Variants in ST8SIA5 observed in about 807,000 individuals in gnomAD.
The protein encoded by ST8SIA5 is ST8 alpha-N-acetyl-neuraminide alpha-2,8-sialyltransferase 5.
A neutral mutation model predicts 40.2 loss-of-function variants in ST8SIA5; 24 were observed. The observed-to-expected ratio is 0.60, with a 90% CI of 0.43 to 0.84. The LOEUF is 0.84. Among genes scored for constraint, ST8SIA5 ranks in the 40% least tolerant of loss-of-function variants. The probability of loss-of-function intolerance (pLI) is 0.00; values close to 1 mark genes in which losing one functional copy is unlikely to be tolerated. For synonymous variants in ST8SIA5, 198 were observed against 201.8 expected (o/e 0.98, Z 0.16); for missense variants, 465 against 498.5 (o/e 0.93, Z 0.64).
chr18:46,711,796 G>A (rs1175359070), intron 1 of ST8SIA5, among the ~76,000 whole-genome samples: 3 of 152,200 alleles, frequency 2.0e-5, no homozygotes, highest in African/African-American at 7.2e-5. Flanking sequence ...GGAGAGCCCC[G>A]GCTCCAACCC....
At chr18:46,680,584 A>G in intron 6 of ST8SIA5, 74 bp from the exon 7 acceptor site, 1 of 1,434,144 alleles carries the variant, frequency 7.0e-7, no homozygotes, top group Non-Finnish European at 9.3e-7. Flanking sequence ...CCACCCTTGC[A>G]CCCTGGGGCT....
chr18:46,746,049 T>G (rs1290811442), intron 1 of ST8SIA5, among the ~76,000 whole-genome samples: 3 of 152,100 alleles, frequency 2.0e-5, no homozygotes, highest in Admixed American at 1.3e-4. Context: ...ATAAACTAGG[T>G]GTTGAAGGAA....
intron 2 of ST8SIA5, among the ~76,000 whole-genome samples, chr18:46,702,146 C>CAAA (rs5824635): frequency 8.3e-5 from 10 of 120,698 alleles, no homozygotes; most frequent in African/African-American, 9.3e-5. Flanking sequence ...GACTCCATCT[C>CAAA]AAAAAAAAAA....
At chr18:46,715,257 T>G (rs2039775681) in intron 1 of ST8SIA5, among the ~76,000 whole-genome samples, 1 of 151,976 alleles carries the variant, frequency 6.6e-6, no homozygotes, top group Non-Finnish European at 1.5e-5. Context: ...CACACAGGAG[T>G]GTGCTTCCTC....
rs905374888 is a variant in ST8SIA5 at position 46,671,737 on chromosome 18, T to C, written c.*8305A>G. ...TCTATGTTACTTTGCTTTAAAAATA[T>C]GTCATAATATTTATCTGAATGCTAA... is the stretch of plus-strand genomic sequence containing the variant. On this transcript the variant is annotated 3_prime_UTR_variant, in exon 7 of 7. Coordinates refer to ENST00000315087, the MANE Select transcript of ST8SIA5 (RefSeq NM_013305.6). 6.6e-6 allele frequency: 1 copy of C among 152,196 alleles called. No homozygotes were observed. Among genetic ancestry groups the C allele is most frequent in the African/African-American group, 2.4e-5 (1 of 41,444 alleles). The allele number at this position is 152,196 out of a possible 1,614,324, so 9.4% of individuals were successfully genotyped here.
intron 1 of ST8SIA5, among the ~76,000 whole-genome samples, chr18:46,732,799 C>G (rs996285593): frequency 1.3e-5 from 2 of 151,802 alleles, no homozygotes; most frequent in Non-Finnish European, 2.9e-5. Flanking sequence ...GTTGTGGGGG[C>G]GAAAGGCTTC....
chr18:46,703,051 G>A (rs2039633425), intron 2 of ST8SIA5, among the ~76,000 whole-genome samples: 1 of 152,260 alleles, frequency 6.6e-6, no homozygotes, highest in South Asian at 2.1e-4. Context: ...AGGAAGGAAG[G>A]AAAGAGAGAG....
intron 2 of ST8SIA5, among the ~76,000 whole-genome samples, chr18:46,701,843 T>C (rs1218325100): frequency 6.6e-6 from 1 of 152,170 alleles, no homozygotes; most frequent in Non-Finnish European, 1.5e-5. Flanking sequence ...AACTATACAT[T>C]TTATAATTTA....
At position 46,708,953 on chromosome 18, in the gene ST8SIA5, C is replaced by T. The variant is rs140521231; in HGVS notation, c.132-4289G>A. 2.7e-3 allele frequency among the ~76,000 whole-genome samples: 404 copies of T among 152,276 alleles called. 1 individual carries two copies. Among genetic ancestry groups the T allele is most frequent in the African/African-American group, 9.2e-3 (384 of 41,558 alleles). On this transcript the variant is annotated intron_variant, in intron 1 of 6. Coordinates refer to ENST00000315087, the MANE Select transcript of ST8SIA5 (RefSeq NM_013305.6). ...CCAGGTAGTACCTTAGCCAAGTCAT[C>T]AAAACTATTCCATGCCTGAGTCTAA... is the stretch of plus-strand genomic sequence containing the variant.
intron 1 of ST8SIA5, among the ~76,000 whole-genome samples, chr18:46,745,869 C>T (rs370564019): frequency 3.3e-5 from 5 of 152,238 alleles, no homozygotes; most frequent in Non-Finnish European, 7.4e-5. Context: ...TTATCCACCA[C>T]GATCAAGTGG....
At chr18:46,703,258 G>C (rs2039635970) in intron 2 of ST8SIA5, among the ~76,000 whole-genome samples, 1 of 152,264 alleles carries the variant, frequency 6.6e-6, no homozygotes, top group African/African-American at 2.4e-5. Flanking sequence ...CCATTCTCCT[G>C]CCTCAGCCTC....
chr18:46,741,493 A>G (rs942027478), intron 1 of ST8SIA5, among the ~76,000 whole-genome samples: 2 of 152,216 alleles, frequency 1.3e-5, no homozygotes, highest in Non-Finnish European at 2.9e-5. Context: ...TGCATAAGTC[A>G]TTACAGAGAA....
At position 46,678,521 on chromosome 18, in the gene ST8SIA5, G is replaced by A. The variant is rs1237764782; in HGVS notation, c.*1521C>T. On this transcript the variant is annotated 3_prime_UTR_variant, in exon 7 of 7. Transcript: ENST00000315087. ...CCCAGAGCACCCAGCACGTGGGACT[G>A]GGTCTATAATCTCTGGGCCCTGCAC... is the stretch of plus-strand genomic sequence containing the variant. The A allele has an allele frequency of 1.3e-5, 2 of 152,254 alleles. No individual in the cohort carries two copies. Among genetic ancestry groups the A allele is most frequent in the African/African-American group, 4.8e-5 (2 of 41,450 alleles). 9.4% of individuals were successfully genotyped at this position (152,254 alleles called of 1,614,324 possible).
At chr18:46,700,749 A>G (rs2039605034) in intron 2 of ST8SIA5, among the ~76,000 whole-genome samples, 1 of 152,216 alleles carries the variant, frequency 6.6e-6, no homozygotes, top group Non-Finnish European at 1.5e-5. Flanking sequence ...CCCTGGGGAC[A>G]GAGAGGGTGC....
chr18:46,714,968 T>C (rs1190446845), intron 1 of ST8SIA5, among the ~76,000 whole-genome samples: 1 of 152,100 alleles, frequency 6.6e-6, no homozygotes, highest in African/African-American at 2.4e-5. Context: ...AGTCTCCCAG[T>C]GCCAACAACT....
At chr18:46,687,282 C>T (rs948429313) in intron 4 of ST8SIA5, among the ~76,000 whole-genome samples, 5 of 152,198 alleles carry the variant, frequency 3.3e-5, no homozygotes, top group Non-Finnish European at 7.3e-5. Context: ...TAGCCACTCT[C>T]ATTGGTTTAC....
In ST8SIA5 at chr18:46,671,628, G is replaced by T. The variant is rs71364554; in HGVS notation, c.*8414C>A. The stretch of plus-strand genomic sequence containing the variant: ...GCAGATCCACCAACCCCTTAGCTCA[G>T]ATCACTAAATGCATCCTAATCTTAG... On this transcript the variant is annotated 3_prime_UTR_variant, in exon 7 of 7. Coordinates refer to ENST00000315087, the MANE Select transcript of ST8SIA5 (RefSeq NM_013305.6). 13,935 of 152,248 alleles carry T rather than the reference G, an allele frequency of 0.092. 843 individuals are homozygous for T. Among genetic ancestry groups the T allele is most frequent in the East Asian group, 0.15 (797 of 5,174 alleles). The allele number at this position is 152,248 out of a possible 1,614,324, so 9.4% of individuals were successfully genotyped here.
In ST8SIA5 at chr18:46,671,998, T is replaced by C. The variant is rs2039311740; in HGVS notation, c.*8044A>G. On this transcript the variant is annotated 3_prime_UTR_variant, in exon 7 of 7. Coordinates refer to ENST00000315087, the MANE Select transcript of ST8SIA5 (RefSeq NM_013305.6). ...CCACCCTGGCCTCACCAAATAACTC[T>C]GGGGCGGGGCCCATAATCAAGGAGC... 1 of 152,202 alleles carries C rather than the reference T, an allele frequency of 6.6e-6. No individual in the cohort carries two copies. The highest frequency in any genetic ancestry group is 2.4e-5 in the African/African-American group (1 of 41,446). The allele number at this position is 152,202 out of a possible 1,614,324, so 9.4% of individuals were successfully genotyped here. A position where few individuals can be genotyped will look rare whatever the true frequency, so the allele number is the denominator to read the frequency against.
At position 46,709,313 on chromosome 18, in the gene ST8SIA5, C is replaced by T. The variant is rs2039699353; in HGVS notation, c.132-4649G>A. ...CATGTGAGGATGCAGCAAGAAGCTG[C>T]CATCTATGAGGAACGGGCCCTCGCC... On this transcript the variant is annotated intron_variant, in intron 1 of 6. Transcript: ENST00000315087. Among the ~76,000 whole-genome samples the T allele has an allele frequency of 2.0e-5, 3 of 152,170 alleles. No homozygotes were observed. In the South Asian group the frequency reaches 6.2e-4, roughly 32 times the overall value.
Sources: allele counts gnomAD v4.1 joint callset (sites outside exome capture counted in the v4.1 genomes callset), GRCh38; gene constraint gnomAD v4.1.1; transcripts MANE v1.5; gene names NCBI Gene and HGNC (gene_info 2026-07-23, HGNC 2026-07-21).